The following SH2B1 variants were observed in gnomAD, a reference collection of about 807,000 sequenced individuals.
The protein encoded by SH2B1 is SH2B adapter protein 1.
SH2B1 carries 15 observed loss-of-function variants against 62.6 expected under a neutral mutation model. That is an observed-to-expected ratio of 0.24 (90% CI 0.16 to 0.37). The LOEUF (loss-of-function observed/expected upper bound fraction) is 0.37, where lower values mean the gene tolerates loss of function less well. SH2B1 is among the 10% of genes least tolerant of loss of function. The pLI is 1.00. For synonymous variants in SH2B1, 443 were observed against 438.0 expected, an observed-to-expected ratio of 1.01 and a Z score of -0.14; for missense variants, 925 against 1,015.6, an observed-to-expected ratio of 0.91 and a Z score of 1.21.
At position 28,871,774 on chromosome 16, in the gene SH2B1, T is replaced by C; in HGVS notation, c.1310-6T>C. The stretch of plus-strand genomic sequence containing the variant: ...GGGTTCTCAGCTTTGCCCTTTTTTT[T>C]TCCAGGGGCATATGGGGGCCTCTCA... On this transcript the variant is annotated splice_polypyrimidine_tract_variant and splice_region_variant and intron_variant, in intron 4 of 7. Transcript: ENST00000684370. 6.2e-7 allele frequency: 1 copy of C among 1,613,278 alleles called. No homozygotes were observed. The highest frequency in any genetic ancestry group is 8.5e-7 in the Non-Finnish European group (1 of 1,179,212).
chr16:28,859,368 T>C (rs191624085), upstream of SH2B1, among the ~76,000 whole-genome samples: 1 of 152,276 alleles, frequency 6.6e-6, no homozygotes, highest in African/African-American at 2.4e-5. Context: ...ACCCAACAGA[T>C]AAATTCCTTA....
Position 28,869,191 on chromosome 16 carries a change from C to T in SH2B1, c.1134-17C>T, listed in dbSNP as rs1406879395. ...CTGGTGACTTTCCTCCCAGCACCATCTTCCCTGTCTCTGCAGACCCTGCCC... is the reference window on the plus strand; with the variant it reads ...CTGGTGACTTTCCTCCCAGCACCATTTTCCCTGTCTCTGCAGACCCTGCCC... On this transcript the variant is annotated splice_polypyrimidine_tract_variant and intron_variant, in intron 3 of 7. Transcript: ENST00000684370. 1 of 1,613,938 alleles carries T rather than the reference C, an allele frequency of 6.2e-7. No individual in the cohort carries two copies. Among genetic ancestry groups the T allele is most frequent in the Non-Finnish European group, 8.5e-7 (1 of 1,179,866 alleles).
intron 1 of SH2B1, among the ~76,000 whole-genome samples, chr16:28,858,376 G>A (rs909122036): frequency 7.9e-5 from 12 of 152,138 alleles, no homozygotes; most frequent in African/African-American, 2.9e-4. Context: ...AGCTGGGTGT[G>A]GTGGCCCATG....
At chr16:28,857,306 A>G (rs1962340937) in intron 1 of SH2B1, among the ~76,000 whole-genome samples, 1 of 137,000 alleles carries the variant, frequency 7.3e-6, no homozygotes, top group South Asian at 2.4e-4. Context: ...GATAGTTGAG[A>G]GGTGGCCTAG....
In SH2B1 at chr16:28,865,761, C is replaced by T. The variant is rs970834860; in HGVS notation, c.-334C>T. On this transcript the variant is annotated 5_prime_UTR_variant, in exon 1 of 8. Transcript: ENST00000684370. Reference sequence around the variant, plus strand: ...GAAGGTGCTCCAAAGCCCTCTACTGCTGGATCCAAAGCTAAGGAAAGTGGG... The same window carrying T: ...GAAGGTGCTCCAAAGCCCTCTACTGTTGGATCCAAAGCTAAGGAAAGTGGG... 12 of 1,100,338 alleles carry T rather than the reference C, an allele frequency of 1.1e-5. No individual in the cohort carries two copies. The highest frequency in any genetic ancestry group is 1.3e-5 in the Non-Finnish European group (12 of 904,112). The allele number at this position is 1,100,338 out of a possible 1,614,324, so 68.2% of individuals were successfully genotyped here. A position where few individuals can be genotyped will look rare whatever the true frequency, so the allele number is the denominator to read the frequency against.
At position 28,873,784 on chromosome 16, in the gene SH2B1, C is replaced by T. The variant is rs952454575; in HGVS notation, c.2235C>T (p.His745=). 1 of 1,464,004 alleles carries T rather than the reference C, an allele frequency of 6.8e-7. No individual in the cohort carries two copies. Among genetic ancestry groups the T allele is most frequent in the South Asian group, 1.4e-5 (1 of 69,476 alleles). 90.7% of individuals were successfully genotyped at this position (1,464,004 alleles called of 1,614,324 possible). A position where few individuals can be genotyped will look rare whatever the true frequency, so the allele number is the denominator to read the frequency against. ...GGGGTGATGGAGAGGAAGGGGGCCA[C>T]CCCAGGGCCATTAACAACCAGTACT... The part of the protein sequence containing the change: ...PLGGDGEEGG[H]PRAINNQYSF... Residue 745 remains histidine, a synonymous_variant, in exon 8 of 8, where the codon CAC becomes CAT. Coordinates refer to ENST00000684370, the MANE Select transcript of SH2B1 (RefSeq NM_001387430.1). The surrounding 1 kb of genome is among the most constrained non-coding windows in gnomAD (Gnocchi z 4.2).
chr16:28,852,060 C>G (rs1297264469), intron 1 of SH2B1, among the ~76,000 whole-genome samples: 1 of 147,478 alleles, frequency 6.8e-6, no homozygotes, highest in Non-Finnish European at 1.5e-5. Flanking sequence ...GAGTGAGACT[C>G]TGTCTCAAAA....
At position 28,864,424 on chromosome 16, in the gene SH2B1, G is replaced by C. The variant is rs1962574448; in HGVS notation, c.-1671G>C. Reference sequence around the variant, plus strand: ...TGAGCCGAGGTGGCCGCTGGCTGGAGATTGGTTTGCACTTCTTGGCTGGGT... The same window carrying C: ...TGAGCCGAGGTGGCCGCTGGCTGGACATTGGTTTGCACTTCTTGGCTGGGT... On this transcript the variant is annotated 5_prime_UTR_variant, in exon 1 of 8. Coordinates refer to ENST00000684370, the MANE Select transcript of SH2B1 (RefSeq NM_001387430.1). 1 of 986,882 alleles carries C rather than the reference G, an allele frequency of 1.0e-6. No homozygotes were observed. The highest frequency in any genetic ancestry group is 1.2e-6 in the Non-Finnish European group (1 of 830,786). The allele number at this position is 986,882 out of a possible 1,614,324, so 61.1% of individuals were successfully genotyped here.
chr16:28,851,999 G>A (rs563515942), intron 1 of SH2B1, among the ~76,000 whole-genome samples: 54 of 149,204 alleles, frequency 3.6e-4, no homozygotes, highest in Admixed American at 7.4e-4. Context: ...CCCAGGAGGC[G>A]GAGGTTGCAG....
At chr16:28,858,581 TC>T (rs1310055575) in intron 1 of SH2B1, among the ~76,000 whole-genome samples, 2 of 152,062 alleles carry the variant, frequency 1.3e-5, no homozygotes, top group Non-Finnish European at 2.9e-5. Flanking sequence ...CTCAGGAAAT[TC>T]CAAGTGTTTT....
rs1188769751 is a variant in SH2B1, at chr16:28,872,908, G to A, written c.1897+203G>A. 1.4e-6 allele frequency: 1 copy of A among 738,624 alleles called. No homozygotes were observed. The allele number at this position is 738,624 out of a possible 1,614,324, so 45.8% of individuals were successfully genotyped here. A position where few individuals can be genotyped will look rare whatever the true frequency, so the allele number is the denominator to read the frequency against. ...GGACACAGGAAGGCAGAAGGCTCCT[G>A]GCCGGAGCCGGGGCGGCAGCTGAGA... On this transcript the variant is annotated intron_variant, in intron 7 of 7. Coordinates refer to ENST00000684370, the MANE Select transcript of SH2B1 (RefSeq NM_001387430.1). This position sits in a 1 kb window ranked among gnomAD's most constrained non-coding sequence, Gnocchi z 5.3.
At chr16:28,852,920 A>ATTT (rs1962205771) in intron 1 of SH2B1, among the ~76,000 whole-genome samples, 1 of 91,536 alleles carries the variant, frequency 1.1e-5, no homozygotes, top group South Asian at 3.4e-4. Context: ...ATGTACATAT[A>ATTT]TATATTTTTA....
At position 28,873,172 on chromosome 16, in the gene SH2B1, C is replaced by A. The variant is rs771657781; in HGVS notation, c.1898-275C>A. On this transcript the variant is annotated intron_variant, in intron 7 of 7. Coordinates refer to ENST00000684370, the MANE Select transcript of SH2B1 (RefSeq NM_001387430.1). This position sits in a 1 kb window ranked among gnomAD's most constrained non-coding sequence, Gnocchi z 4.2. ...CCCCACGTTGCCCCTCCCCCCAGGC[C>A]GGGAGCAGGCTGGGAGCCATGCGGG... The A allele has an allele frequency of 6.4e-7, 1 of 1,562,940 alleles. No individual in the cohort carries two copies. The highest frequency in any genetic ancestry group is 8.6e-7 in the Non-Finnish European group (1 of 1,162,162).
chr16:28,852,988 A>ATG (rs1743464546), intron 1 of SH2B1, among the ~76,000 whole-genome samples: 1 of 38,240 alleles, frequency 2.6e-5, no homozygotes, highest in Non-Finnish European at 5.1e-5. Context: ...TATATTTTAT[A>ATG]TGTACATATA....
chr16:28,866,268 C>A lies in SH2B1; in HGVS notation c.174C>A (p.Pro58=). 2 of 1,610,370 alleles carry A rather than the reference C, an allele frequency of 1.2e-6. No individual in the cohort carries two copies. Among genetic ancestry groups the A allele is most frequent in the African/African-American group, 2.7e-5 (2 of 75,014 alleles). The change falls in exon 1 of 8, where the codon CCC becomes CCA. Residue 58 remains proline, a synonymous_variant. Transcript: ENST00000684370. This position sits in a 1 kb window ranked among gnomAD's most constrained non-coding sequence, Gnocchi z 6.3. The stretch of plus-strand genomic sequence containing the variant: ...CCTCCCACCCCCAATATGCGGGGCC[C>A]GGGGCCGAGGCTGCCTTCTCCCGCC... ...YLASHPQYAG[P]GAEAAFSRRF...
intron 1 of SH2B1, among the ~76,000 whole-genome samples, chr16:28,857,406 G>A (rs1252822861): frequency 6.6e-6 from 1 of 151,952 alleles, no homozygotes; most frequent in African/African-American, 2.4e-5. Flanking sequence ...AATGGGGAGT[G>A]GGGGCGGGGG....
chr16:28,853,214 A>T (rs1046494870), intron 1 of SH2B1, among the ~76,000 whole-genome samples: 27 of 126,290 alleles, frequency 2.1e-4, no homozygotes, highest in South Asian at 9.4e-4. Context: ...TATATATATA[A>T]AAATGTATAT....
intron 1 of SH2B1, among the ~76,000 whole-genome samples, chr16:28,847,816 C>CTTTTT (rs34950443): frequency 3.6e-5 from 3 of 84,244 alleles, no homozygotes; most frequent in Admixed American, 1.2e-4. Flanking sequence ...AAGACCCCAT[C>CTTTTT]TTTTTTTTTT....
At chr16:28,862,580 G>T (rs998864990), upstream of SH2B1, 1 of 148,254 alleles carries the variant, frequency 6.7e-6, no homozygotes, top group African/African-American at 2.5e-5. Context: ...GATTACAGGC[G>T]TGAGCCACTG....
Sources: gnomAD v4.1 joint callset for allele counts (sites outside exome capture counted in the v4.1 genomes callset) on GRCh38, gnomAD v4.1.1 for gene constraint, Gnocchi (gnomAD v3.1) non-coding constraint, MANE v1.5 for transcripts, NCBI Gene and HGNC (gene_info 2026-07-23, HGNC 2026-07-21) for gene names.